RAI1: variants seen among roughly 807,000 people sequenced by gnomAD.
The protein encoded by RAI1 is retinoic acid induced 1.
Under a neutral mutation model 123.8 loss-of-function variants are expected in RAI1, and 9 were observed. The observed-to-expected ratio is 0.07, with a 90% CI of 0.04 to 0.13. The LOEUF is 0.13. Ranked by LOEUF, RAI1 falls within the 10% of genes least tolerant of loss-of-function variation. RAI1 has a pLI of 1.00. For missense variants in RAI1, 2,256 were observed against 2,545.8 expected, an observed-to-expected ratio of 0.89 and a Z score of 2.45; for synonymous variants, 1,231 against 1,127.3, an observed-to-expected ratio of 1.09 and a Z score of -1.84.
At chr17:17,744,080 C>A (rs1164175659) in intron 2 of RAI1, among the ~76,000 whole-genome samples, 1 of 152,238 alleles carries the variant, frequency 6.6e-6, no homozygotes, top group Admixed American at 6.5e-5. Flanking sequence ...ACCTGAGTGA[C>A]TGTGTGAATG....
At chr17:17,722,191 C>A (rs1227936771) in intron 1 of RAI1, among the ~76,000 whole-genome samples, 1 of 152,092 alleles carries the variant, frequency 6.6e-6, no homozygotes, top group African/African-American at 2.4e-5. Context: ...CTGTGTGATC[C>A]CTGGTGCAGT....
chr17:17,699,327 C>T (rs1010213423), intron 1 of RAI1, among the ~76,000 whole-genome samples: 4 of 152,202 alleles, frequency 2.6e-5, no homozygotes, highest in Admixed American at 6.5e-5. Flanking sequence ...AGCACAGCAC[C>T]GCTGCCTCAG....
chr17:17,764,013 C>T (rs1034707153), intron 2 of RAI1, among the ~76,000 whole-genome samples: 4 of 152,228 alleles, frequency 2.6e-5, no homozygotes, highest in Admixed American at 6.5e-5. Flanking sequence ...TGTGGCACTT[C>T]CACTTGAATT....
At chr17:17,773,630 G>GA (rs2031243417) in intron 2 of RAI1, among the ~76,000 whole-genome samples, 1 of 152,180 alleles carries the variant, frequency 6.6e-6, no homozygotes, top group Non-Finnish European at 1.5e-5. Flanking sequence ...GAGGCAGAGA[G>GA]AAAAAATGCA....
rs202240310 is a variant in RAI1 at position 17,793,134 on chromosome 17, C to T, written c.186C>T (p.Gly62=). 5.7e-5 allele frequency: 92 copies of T among 1,613,868 alleles called. No individual in the cohort carries two copies. The highest frequency in any genetic ancestry group is 2.3e-4 in the African/African-American group (17 of 75,058). Residue 62 remains glycine, a synonymous_variant, in exon 3 of 6, where the codon GGC becomes GGT. Transcript: ENST00000353383. ...NPQPYPSYEG[G]AGTPSGTAAA... ...AGCCTTACCCGAGCTATGAGGGTGG[C>T]GCTGGCACGCCCTCTGGCACTGCAG... is the stretch of plus-strand genomic sequence containing the variant.
chr17:17,800,329 C>G lies in RAI1; in HGVS notation c.5565+1816C>G, dbSNP rs977054224. Among the ~76,000 whole-genome samples, 11 of 152,174 alleles carry G rather than the reference C, an allele frequency of 7.2e-5. No individual in the cohort carries two copies. The highest frequency in any genetic ancestry group is 5.2e-4 in the Admixed American group (8 of 15,280). ...ACCAGCCCCAGCTGGCTGCCACCTCCCCTGCTTCACAGCCCCATTCCTGAA... is the reference window on the plus strand; with the variant it reads ...ACCAGCCCCAGCTGGCTGCCACCTCGCCTGCTTCACAGCCCCATTCCTGAA... On this transcript the variant is annotated intron_variant, in intron 3 of 5. Coordinates refer to ENST00000353383, the MANE Select transcript of RAI1 (RefSeq NM_030665.4). The surrounding 1 kb of genome is among the most constrained non-coding windows in gnomAD (Gnocchi z 4.7).
intron 4 of RAI1, among the ~76,000 whole-genome samples, chr17:17,808,451 T>TATTTC (rs1344616178): frequency 7.7e-5 from 11 of 142,364 alleles, no homozygotes; most frequent in African/African-American, 2.9e-4. Context: ...TATTTTATTT[T>TATTTC]ATTTTATTTC....
At chr17:17,723,916 C>T (rs996437054) in intron 1 of RAI1, 112 bp from the exon 2 acceptor site, 1 of 148,196 alleles carries the variant, frequency 6.7e-6, no homozygotes, top group Admixed American at 6.7e-5. Context: ...ACGCGGGGCG[C>T]GAGAGGCGCG....
At position 17,796,166 on chromosome 17, in the gene RAI1, G is replaced by T; in HGVS notation, c.3218G>T (p.Gly1073Val). 1 of 1,559,696 alleles carries T rather than the reference G, an allele frequency of 6.4e-7. No homozygotes were observed. Among genetic ancestry groups the T allele is most frequent in the Non-Finnish European group, 8.7e-7 (1 of 1,151,658 alleles). ...LSEPRTPGPP[G>V]LTTTPAPPDK... ...GAGCCCCGCACGCCCGGACCCCCAG[G>T]CCTGACCACCACCCCTGCACCCCCA... The change falls in exon 3 of 6, where the codon GGC (glycine) becomes GTC (valine). Residue 1073 changes from glycine (G) to valine (V), a missense_variant. This residue lies in a region of RAI1 where 566 missense variants were observed against 616.0 expected (regional missense o/e 0.92). Coordinates refer to ENST00000353383, the MANE Select transcript of RAI1 (RefSeq NM_030665.4). This position sits in a 1 kb window ranked among gnomAD's most constrained non-coding sequence, Gnocchi z 5.8.
chr17:17,741,091 G>A (rs9894492), intron 2 of RAI1, among the ~76,000 whole-genome samples: 26,163 of 119,758 alleles, frequency 0.22, 3,574 homozygotes, highest in African/African-American at 0.4. Flanking sequence ...AAGCGCGCGC[G>A]CACACACACA....
At chr17:17,699,878 T>G (rs1285872488) in intron 1 of RAI1, among the ~76,000 whole-genome samples, 1 of 152,128 alleles carries the variant, frequency 6.6e-6, no homozygotes, top group Non-Finnish European at 1.5e-5. Context: ...GGCTTCCTAG[T>G]TATGAGCCCA....
intron 2 of RAI1, among the ~76,000 whole-genome samples, chr17:17,774,348 T>G (rs1418603083): frequency 6.6e-6 from 1 of 152,214 alleles, no homozygotes. Context: ...CGGTGTTCTT[T>G]CCAAAGACTC....
At position 17,774,446 on chromosome 17, in the gene RAI1, G is replaced by A. The variant is rs540058703; in HGVS notation, c.-16-18487G>A. ...ACCTTCCTTTCAGGGGCCTGGGGCC[G>A]CAGGGGCCTCCGGCCCGTCAGCCAA... On this transcript the variant is annotated intron_variant, in intron 2 of 5. Coordinates refer to ENST00000353383, the MANE Select transcript of RAI1 (RefSeq NM_030665.4). Among the ~76,000 whole-genome samples the A allele has an allele frequency of 9.2e-5, 14 of 152,362 alleles. No individual in the cohort carries two copies. In the South Asian group the frequency reaches 2.9e-3, roughly 32 times the overall value.
chr17:17,747,500 A>G (rs2029973890), intron 2 of RAI1, among the ~76,000 whole-genome samples: 2 of 152,214 alleles, frequency 1.3e-5, no homozygotes, highest in South Asian at 4.1e-4. Flanking sequence ...GGCAACCGAC[A>G]TAGGGCTGTC....
chr17:17,737,856 T>C (rs1026398161), intron 2 of RAI1, among the ~76,000 whole-genome samples: 1 of 152,236 alleles, frequency 6.6e-6, no homozygotes, highest in African/African-American at 2.4e-5. Context: ...TGAGCAGGCC[T>C]GGAGCCCCAG....
intron 2 of RAI1, among the ~76,000 whole-genome samples, chr17:17,772,314 TTGGTC>T (rs1398474176): frequency 6.6e-6 from 1 of 152,180 alleles, no homozygotes; most frequent in African/African-American, 2.4e-5. Flanking sequence ...TGCCACCACT[TTGGTC>T]TGGCCCCATT....
chr17:17,723,538 C>A (rs1392509819), intron 1 of RAI1, among the ~76,000 whole-genome samples: 2 of 150,678 alleles, frequency 1.3e-5, no homozygotes, highest in East Asian at 2.0e-4. Flanking sequence ...CGCACTCTTA[C>A]ACTCACACCC....
intron 4 of RAI1, among the ~76,000 whole-genome samples, chr17:17,807,680 G>C (rs2032621285): frequency 6.6e-6 from 1 of 152,252 alleles, no homozygotes. Flanking sequence ...GCAGTGCTGA[G>C]GGAGCCAGTT....
intron 1 of RAI1, among the ~76,000 whole-genome samples, chr17:17,686,284 T>C (rs1393921535): frequency 1.7e-5 from 2 of 120,236 alleles, no homozygotes; most frequent in African/African-American, 3.2e-5. Flanking sequence ...TCTTGTGCTG[T>C]CAGCCTTTAG....
Sources: allele counts gnomAD v4.1 joint callset (sites outside exome capture counted in the v4.1 genomes callset), GRCh38; gene constraint gnomAD v4.1.1; regional missense constraint gnomAD v4.1.1; non-coding constraint Gnocchi (gnomAD v3.1); transcripts MANE v1.5; gene names NCBI Gene and HGNC (gene_info 2026-07-23, HGNC 2026-07-21).